SLC25A21: variants seen among roughly 807,000 people sequenced by gnomAD.
The protein encoded by SLC25A21 is solute carrier family 25 member 21.
In SLC25A21, 47 loss-of-function variants were observed where a neutral mutation model predicts 43.8. The observed-to-expected ratio is 1.07, with a 90% CI of 0.85 to 1.37. The LOEUF (loss-of-function observed/expected upper bound fraction) is 1.37. Among genes scored for constraint, SLC25A21 ranks in the 40% most tolerant of loss-of-function variants. The pLI, the probability that SLC25A21 is intolerant of heterozygous loss-of-function variation, is 0.00. For synonymous variants in SLC25A21, 131 were observed against 121.3 expected, an observed-to-expected ratio of 1.08 and a Z score of -0.52; for missense variants, 352 against 350.2, an observed-to-expected ratio of 1.00 and a Z score of -0.04.
intron 2 of SLC25A21, among the ~76,000 whole-genome samples, chr14:36,872,896 C>A (rs1214967637): frequency 6.6e-6 from 1 of 152,134 alleles, no homozygotes; most frequent in African/African-American, 2.4e-5. Flanking sequence ...TCTCAATTAG[C>A]TAATCAGACT....
intron 7 of SLC25A21, among the ~76,000 whole-genome samples, chr14:36,694,624 C>T (rs1231947715): frequency 6.6e-6 from 1 of 152,214 alleles, no homozygotes; most frequent in African/African-American, 2.4e-5. Flanking sequence ...GAGATGGTAT[C>T]TCACTGTGGT....
chr14:36,995,793 C>A (rs1398386851), intron 1 of SLC25A21, among the ~76,000 whole-genome samples: 9 of 152,108 alleles, frequency 5.9e-5, no homozygotes, highest in African/African-American at 2.2e-4. Flanking sequence ...ACGTTAAAAT[C>A]AGCTGGGGAG....
chr14:36,979,332 G>GTTTTTTTTTT (rs1283870965), intron 1 of SLC25A21, among the ~76,000 whole-genome samples: 3 of 119,048 alleles, frequency 2.5e-5, no homozygotes, highest in African/African-American at 9.2e-5. Context: ...TGTTTTTTTG[G>GTTTTTTTTTT]TTTTTTTTTT....
chr14:36,994,667 C>T (rs17105888), intron 1 of SLC25A21, among the ~76,000 whole-genome samples: 16,076 of 152,064 alleles, frequency 0.11, 1,049 homozygotes, highest in African/African-American at 0.18. Flanking sequence ...AGCGATATTG[C>T]GTATCTGTCT....
intron 1 of SLC25A21, among the ~76,000 whole-genome samples, chr14:37,162,276 C>T (rs965141196): frequency 1.3e-5 from 2 of 152,252 alleles, no homozygotes; most frequent in South Asian, 2.1e-4. Context: ...TAATTAGATC[C>T]GATTTGTCAA....
chr14:37,079,669 G>A (rs1962348443), intron 1 of SLC25A21, among the ~76,000 whole-genome samples: 1 of 152,224 alleles, frequency 6.6e-6, no homozygotes, highest in African/African-American at 2.4e-5. Flanking sequence ...TCTAGCCTGT[G>A]CCTCCTGCTC....
At chr14:36,810,029 G>A (rs577040246) in intron 3 of SLC25A21, among the ~76,000 whole-genome samples, 28 of 151,508 alleles carry the variant, frequency 1.8e-4, no homozygotes, top group Non-Finnish European at 3.8e-4. Flanking sequence ...TTTTTCTTTC[G>A]TTTAACCCAG....
chr14:36,890,722 C>T (rs904069020), intron 1 of SLC25A21, among the ~76,000 whole-genome samples: 2 of 152,142 alleles, frequency 1.3e-5, no homozygotes, highest in African/African-American at 4.8e-5. Flanking sequence ...TGAAGAGCAA[C>T]CACGTGGAGG....
At chr14:36,840,476 C>T (rs1320318548) in intron 2 of SLC25A21, among the ~76,000 whole-genome samples, 2 of 152,102 alleles carry the variant, frequency 1.3e-5, no homozygotes, top group Admixed American at 6.5e-5. Context: ...ATCATTAAAA[C>T]AAAAACAAAA....
chr14:36,911,505 A>G, intron 1 of SLC25A21, among the ~76,000 whole-genome samples: 1 of 152,148 alleles, frequency 6.6e-6, no homozygotes, highest in East Asian at 1.9e-4. Flanking sequence ...CTTGCTATGG[A>G]CAACAGGACG....
chr14:36,840,097 C>T (rs1889337473), intron 2 of SLC25A21, among the ~76,000 whole-genome samples: 1 of 152,192 alleles, frequency 6.6e-6, no homozygotes, highest in South Asian at 2.1e-4. Flanking sequence ...CACAGGTGGC[C>T]TTCCACAGGG....
At position 36,862,737 on chromosome 14, in the gene SLC25A21, A is replaced by G. The variant is rs144197243; in HGVS notation, c.119+12219T>C. Among the ~76,000 whole-genome samples, 590 of 152,344 alleles carry G rather than the reference A, an allele frequency of 3.9e-3. 4 individuals carry two copies. Among genetic ancestry groups the G allele is most frequent in the African/African-American group, 0.013 (552 of 41,582 alleles). ...ACAAACCTGCACATTCTGCACATGT[A>G]TTCCAGAACTTAAAGTATAATTTAA... On this transcript the variant is annotated intron_variant, in intron 2 of 9. Transcript: ENST00000331299.
intron 3 of SLC25A21, among the ~76,000 whole-genome samples, chr14:36,776,008 C>A (rs1245792795): frequency 6.6e-6 from 1 of 152,104 alleles, no homozygotes; most frequent in Non-Finnish European, 1.5e-5. Context: ...TGCCCTACCA[C>A]TTTCACTGCT....
intron 1 of SLC25A21, among the ~76,000 whole-genome samples, chr14:37,151,776 C>A (rs1963762829): frequency 6.6e-6 from 1 of 152,148 alleles, no homozygotes; most frequent in Non-Finnish European, 1.5e-5. Flanking sequence ...TGGCTCATGC[C>A]TGGAATCCAG....
chr14:37,049,050 A>G lies in SLC25A21; in HGVS notation c.70+123231T>C, dbSNP rs78384629. Among the ~76,000 whole-genome samples, 2,477 of 152,274 alleles carry G rather than the reference A, an allele frequency of 0.016. 196 individuals carry two copies. In the East Asian group the frequency reaches 0.26, roughly 16 times the overall value. On this transcript the variant is annotated intron_variant, in intron 1 of 9. Transcript: ENST00000331299. Reference sequence around the variant, plus strand: ...CCCAAAACCTTGTGAATCAGAAGCTACAGGAGGTAAGGTAATCTTGATTTA... The same window carrying G: ...CCCAAAACCTTGTGAATCAGAAGCTGCAGGAGGTAAGGTAATCTTGATTTA...
At chr14:36,778,086 C>T (rs1467963912) in intron 3 of SLC25A21, among the ~76,000 whole-genome samples, 1 of 152,166 alleles carries the variant, frequency 6.6e-6, no homozygotes, top group Non-Finnish European at 1.5e-5. Context: ...ACTCCCTCCC[C>T]TGGGCTACCA....
intron 1 of SLC25A21, among the ~76,000 whole-genome samples, chr14:37,153,857 A>C (rs971916280): frequency 6.6e-6 from 1 of 152,164 alleles, no homozygotes; most frequent in Non-Finnish European, 1.5e-5. Context: ...CCTATCTGCA[A>C]GCCCCACCTG....
chr14:36,989,396 T>C (rs1311590251), intron 1 of SLC25A21, among the ~76,000 whole-genome samples: 5 of 152,266 alleles, frequency 3.3e-5, no homozygotes, highest in Admixed American at 3.3e-4. Context: ...TAATACTGTT[T>C]CTTCTTTAAA....
chr14:36,687,215 A>C (rs996582757), intron 7 of SLC25A21, among the ~76,000 whole-genome samples: 4 of 152,258 alleles, frequency 2.6e-5, no homozygotes, highest in East Asian at 1.9e-4. Context: ...GGCCTCCCAA[A>C]GTGTTGGGAT....
Sources: allele counts gnomAD v4.1 joint callset (sites outside exome capture counted in the v4.1 genomes callset), GRCh38; gene constraint gnomAD v4.1.1; transcripts MANE v1.5; gene names NCBI Gene and HGNC (gene_info 2026-07-23, HGNC 2026-07-21).